IL16: variants seen among roughly 807,000 people sequenced by gnomAD.
The protein encoded by IL16 is interleukin 16.
In IL16, 67 loss-of-function variants were observed where a neutral mutation model predicts 110.1. The ratio of observed to expected loss-of-function variants is 0.61; its 90% CI spans 0.50 to 0.75. The LOEUF is 0.75. Ranked by LOEUF, IL16 falls within the 30% of genes least tolerant of loss-of-function variation. The pLI is 0.00. For synonymous variants in IL16, 689 were observed against 662.9 expected (o/e 1.04, Z -0.61); for missense variants, 1,545 against 1,655.0 (o/e 0.93, Z 1.15).
chr15:81,260,998 A>G (rs1346538944), intron 3 of IL16, among the ~76,000 whole-genome samples: 4 of 152,210 alleles, frequency 2.6e-5, no homozygotes, highest in Non-Finnish European at 5.9e-5. Flanking sequence ...ATATATATGA[A>G]TACCTATTTC....
chr15:81,259,630 C>A, intron 2 of IL16, 142 bp from the exon 3 acceptor site: 3 of 587,520 alleles, frequency 5.1e-6, no homozygotes, highest in Non-Finnish European at 9.1e-6. Context: ...GATTCTAAAT[C>A]CCTGCTCTTA....
In IL16 at chr15:81,303,352, T is replaced by G; in HGVS notation, c.3319-197T>G. 3 of 563,450 alleles carry G rather than the reference T, an allele frequency of 5.3e-6. No individual in the cohort carries two copies. In the South Asian group the frequency reaches 6.5e-5, roughly 12 times the overall value. 34.9% of individuals were successfully genotyped at this position (563,450 alleles called of 1,614,324 possible). A position where few individuals can be genotyped will look rare whatever the true frequency, so the allele number is the denominator to read the frequency against. ...TGCTTGCTGCTTTACATACATTTTTTTTTTCTTCTAAGCTTCCCATGACTC... is the reference window on the plus strand; with the variant it reads ...TGCTTGCTGCTTTACATACATTTTTGTTTTCTTCTAAGCTTCCCATGACTC... On this transcript the variant is annotated intron_variant, in intron 15 of 18. Transcript: ENST00000683961. The surrounding 1 kb of genome is among the most constrained non-coding windows in gnomAD (Gnocchi z 4.1).
chr15:81,221,971 A>G (rs890820603), intron 1 of IL16, among the ~76,000 whole-genome samples: 10 of 152,186 alleles, frequency 6.6e-5, no homozygotes, highest in Middle Eastern at 3.2e-3. Context: ...GCAGCCAACT[A>G]TTCCACCACT....
chr15:81,238,308 C>T (rs571925228), intron 2 of IL16, among the ~76,000 whole-genome samples: 2 of 152,078 alleles, frequency 1.3e-5, no homozygotes, highest in Non-Finnish European at 2.9e-5. Flanking sequence ...CTGTTTGTTC[C>T]CTTTATTTCT....
Position 81,296,943 on chromosome 15 carries a change from C to G in IL16, c.1918C>G (p.Leu640Val). ...TACACCACAGGAAGCGAGAGAGCTG[C>G]TGCCACTGCTGCTACCACAGGAAGA... ...PTCGQEAREL[L>V]PLLLPQEDTA... Residue 640 changes from leucine (L) to valine (V), a missense_variant, in exon 13 of 19, where the codon CTG becomes GTG. Leu to Val is a conservative substitution (Grantham distance 32, BLOSUM62 1). Around this residue, in one of 3 missense-constraint regions of IL16, gnomAD observed 1,185 missense variants for 1,238.8 expected, o/e 0.96. Transcript: ENST00000683961. 6.2e-7 allele frequency: 1 copy of G among 1,611,592 alleles called. No individual in the cohort carries two copies. The highest frequency in any genetic ancestry group is 8.5e-7 in the Non-Finnish European group (1 of 1,178,944).
At chr15:81,223,662 G>GCAAT (rs1199696911) in intron 1 of IL16, among the ~76,000 whole-genome samples, 1 of 152,228 alleles carries the variant, frequency 6.6e-6, no homozygotes, top group Non-Finnish European at 1.5e-5. Flanking sequence ...AGCAATGAGA[G>GCAAT]CAATGCCTGG....
upstream of IL16, among the ~76,000 whole-genome samples, chr15:81,196,050 A>C (rs1008660667): frequency 6.6e-6 from 1 of 152,204 alleles, no homozygotes; most frequent in Non-Finnish European, 1.5e-5. Context: ...ACAGAGTGCC[A>C]GAGGTGCTGC....
chr15:81,294,998 A>G (rs868409091), intron 12 of IL16, among the ~76,000 whole-genome samples: 3 of 152,078 alleles, frequency 2.0e-5, no homozygotes, highest in Admixed American at 1.3e-4. Flanking sequence ...AGTCTTTCCC[A>G]TCTACTCTAA....
intron 1 of IL16, among the ~76,000 whole-genome samples, chr15:81,218,176 A>C (rs1595958259): frequency 6.6e-6 from 1 of 152,314 alleles, no homozygotes; most frequent in Middle Eastern, 3.4e-3. Context: ...TTTGCAAGTT[A>C]TGAAGTAAAT....
At chr15:81,234,113 G>T (rs74030035) in intron 2 of IL16, among the ~76,000 whole-genome samples, 2 of 152,070 alleles carry the variant, frequency 1.3e-5, no homozygotes, top group Non-Finnish European at 2.9e-5. Flanking sequence ...GAGTGGTTGC[G>T]TGGTATATCT....
At position 81,303,035 on chromosome 15, in the gene IL16, G is replaced by GTGTA. The variant is rs922255091; in HGVS notation, c.3319-511_3319-510insATGT. 2.1e-5 allele frequency among the ~76,000 whole-genome samples: 3 copies of GTGTA among 145,678 alleles called. No individual in the cohort carries two copies. Among genetic ancestry groups the GTGTA allele is most frequent in the African/African-American group, 5.2e-5 (2 of 38,236 alleles). On this transcript the variant is annotated intron_variant, in intron 15 of 18. Transcript: ENST00000683961. The surrounding 1 kb of genome is among the most constrained non-coding windows in gnomAD (Gnocchi z 4.1). The stretch of plus-strand genomic sequence containing the variant: ...TAGTAATGTGTGTGTGTGTGTGTGT[G>GTGTA]TGTGTGTGTCACACTTGCACACTGT...
In IL16 at chr15:81,306,050, C is replaced by T. The variant is rs774544974; in HGVS notation, c.3563C>T (p.Pro1188Leu). ...GCCATCCTCCGCCAAGCTCGAGAGC[C>T]CAGGCAAGCTGTGATTGTCACAAGG... ...ALAILRQARE[P>L]RQAVIVTRKL... is the part of the protein sequence containing the mutation. The change falls in exon 17 of 19, where the codon CCC becomes CTC. Residue 1188 changes from proline (P) to leucine (L), a missense_variant. Pro to Leu is a moderately conservative substitution (Grantham distance 98). Around this residue, in one of 3 missense-constraint regions of IL16, gnomAD observed 356 missense variants for 399.3 expected, o/e 0.89. Transcript: ENST00000683961. The T allele has an allele frequency of 9.3e-6, 15 of 1,614,086 alleles. No individual in the cohort carries two copies. The highest frequency in any genetic ancestry group is 1.3e-5 in the Non-Finnish European group (15 of 1,180,046).
chr15:81,197,656 A>G (rs539162659), intron 1 of IL16, among the ~76,000 whole-genome samples: 1 of 152,064 alleles, frequency 6.6e-6, no homozygotes, highest in South Asian at 2.1e-4. Context: ...GCTTTTTGAT[A>G]AGGGTCCCGT....
intron 2 of IL16, among the ~76,000 whole-genome samples, chr15:81,240,163 T>G (rs1285772053): frequency 1.3e-5 from 2 of 152,164 alleles, no homozygotes; most frequent in Non-Finnish European, 2.9e-5. Flanking sequence ...TCATTCATAT[T>G]ATTTCATTTT....
intron 12 of IL16, chr15:81,295,356 A>T: frequency 8.2e-7 from 1 of 1,215,264 alleles, no homozygotes; most frequent in Non-Finnish European, 1.1e-6. Context: ...GTCTCCCATG[A>T]AGAGGATGCA....
chr15:81,191,265 C>A (rs1895493529), intron 1 of IL16, among the ~76,000 whole-genome samples: 1 of 152,182 alleles, frequency 6.6e-6, no homozygotes, highest in Non-Finnish European at 1.5e-5. Context: ...CATTCTGTTT[C>A]CTAATCTGTG....
intron 2 of IL16, among the ~76,000 whole-genome samples, chr15:81,243,163 ATTTTTTTT>A (rs1219851899): frequency 3.3e-4 from 5 of 15,022 alleles, no homozygotes; most frequent in East Asian, 2.1e-3. Flanking sequence ...ATATATATAT[ATTTTTTTT>A]TTTTTTTTTT....
chr15:81,288,755 C>T (rs1899567468), intron 10 of IL16, among the ~76,000 whole-genome samples: 1 of 152,090 alleles, frequency 6.6e-6, no homozygotes, highest in Non-Finnish European at 1.5e-5. Flanking sequence ...GTAATGTCCT[C>T]AAGGTTCATT....
intron 2 of IL16, among the ~76,000 whole-genome samples, chr15:81,240,067 A>G (rs1391962848): frequency 1.3e-5 from 2 of 152,144 alleles, no homozygotes; most frequent in Non-Finnish European, 2.9e-5. Context: ...CGTTCTTCTT[A>G]TTTGTGAACA....
Sources: gnomAD v4.1 joint callset for allele counts (sites outside exome capture counted in the v4.1 genomes callset) on GRCh38, gnomAD v4.1.1 for gene constraint, gnomAD v4.1.1 regional missense constraint, Gnocchi (gnomAD v3.1) non-coding constraint, MANE v1.5 for transcripts, NCBI Gene and HGNC (gene_info 2026-07-23, HGNC 2026-07-21) for gene names.